SYNPO: variants seen among roughly 807,000 people sequenced by gnomAD.
SYNPO encodes the protein synaptopodin.
In SYNPO, 19 loss-of-function variants were observed where a neutral mutation model predicts 49.5. The ratio of observed to expected loss-of-function variants is 0.38; its 90% confidence interval spans 0.27 to 0.56. SYNPO has a LOEUF of 0.56. Among genes scored for constraint, SYNPO ranks in the 20% least tolerant of loss-of-function variants. The pLI is 0.68. For synonymous variants in SYNPO, 536 were observed against 548.0 expected (o/e 0.98, Z 0.31); for missense variants, 1,131 against 1,248.3 (o/e 0.91, Z 1.42).
rs1410374408 is a variant in SYNPO, at chr5:150,648,526, C to T, written c.251C>T (p.Thr84Ile). The T allele has an allele frequency of 6.2e-7, 1 of 1,614,236 alleles. No individual in the cohort carries two copies. The highest frequency in any genetic ancestry group is 2.2e-5 in the East Asian group (1 of 44,880). ...CCCAGTGCCACGCTCACCACACCAA[C>T]TTCTAACAGCAGCCACAATCCGCCA... ...ASPSATLTTP[T>I]SNSSHNPPAT... The change falls in exon 2 of 3, where the codon ACT (threonine) becomes ATT (isoleucine). Residue 84 changes from threonine (T) to isoleucine (I), a missense_variant. Coordinates refer to ENST00000307662, the MANE Select transcript of SYNPO (RefSeq NM_007286.6). This position sits in a 1 kb window ranked among gnomAD's most constrained non-coding sequence, Gnocchi z 5.0.
chr5:150,656,322 A>G, intron 2 of SYNPO, 82 bp from the exon 3 acceptor site: 1 of 1,193,344 alleles, frequency 8.4e-7, no homozygotes, highest in Non-Finnish European at 1.2e-6. Flanking sequence ...TAATGGACAA[A>G]TCGGACTCCG....
intron 2 of SYNPO, among the ~76,000 whole-genome samples, chr5:150,627,565 C>A (rs953771773): frequency 1.3e-5 from 2 of 152,080 alleles, no homozygotes; most frequent in Admixed American, 6.6e-5. Context: ...AAAAAGGAAG[C>A]AAATAAATCA....
At chr5:150,594,529 T>C in the SYNPO span, among the ~76,000 whole-genome samples, 1 of 152,278 alleles carries the variant, frequency 6.6e-6, no homozygotes, top group African/African-American at 2.4e-5. Context: ...TCTGCTGCCA[T>C]CTCACTGTGT....
At chr5:150,593,130 T>C in the SYNPO span, among the ~76,000 whole-genome samples, 2 of 152,250 alleles carry the variant, frequency 1.3e-5, no homozygotes. Flanking sequence ...CTACCTGTTA[T>C]GGCCTGGTCT....
Position 150,648,767 on chromosome 5 carries a change from T to G in SYNPO, c.492T>G (p.Ala164=). The part of the protein sequence containing the change: ...TLLIDKVSTP[A]TTTSTFSREA... ...TAATTGACAAGGTATCAACTCCAGC[T>G]ACCACCACCAGCACCTTCTCCAGAG... The change falls in exon 2 of 3, where the codon GCT becomes GCG. Residue 164 remains alanine, a synonymous_variant. Transcript: ENST00000307662. The surrounding 1 kb of genome is among the most constrained non-coding windows in gnomAD (Gnocchi z 5.0). The G allele has an allele frequency of 6.2e-7, 1 of 1,614,204 alleles. No individual in the cohort carries two copies. Among genetic ancestry groups the G allele is most frequent in the South Asian group, 1.1e-5 (1 of 91,086 alleles).
intron 2 of SYNPO, among the ~76,000 whole-genome samples, chr5:150,629,111 T>A (rs935700949): frequency 6.6e-6 from 1 of 152,158 alleles, no homozygotes; most frequent in Non-Finnish European, 1.5e-5. Flanking sequence ...CTCGACCTCC[T>A]GGGCTCAAGT....
chr5:150,598,893 G>C (rs1445321367), upstream of SYNPO, among the ~76,000 whole-genome samples: 1 of 152,170 alleles, frequency 6.6e-6, no homozygotes, highest in African/African-American at 2.4e-5. Context: ...GCTTGGGAAG[G>C]AGGGGGAGGT....
upstream of SYNPO, among the ~76,000 whole-genome samples, chr5:150,596,879 G>A (rs148092534): frequency 9.1e-4 from 138 of 152,288 alleles, no homozygotes; most frequent in Non-Finnish European, 1.5e-3. Flanking sequence ...TCACACCCAC[G>A]GGCCCCATCA....
At chr5:150,641,518 CCTT>C (rs1757907113) in intron 1 of SYNPO, among the ~76,000 whole-genome samples, 1 of 152,162 alleles carries the variant, frequency 6.6e-6, no homozygotes, top group Non-Finnish European at 1.5e-5. Context: ...CCTGTCCTGA[CCTT>C]CTGCTCTGGC....
At chr5:150,602,271 G>A (rs1756564141) in intron 1 of SYNPO, among the ~76,000 whole-genome samples, 2 of 152,234 alleles carry the variant, frequency 1.3e-5, no homozygotes. Context: ...TGCTACGGAT[G>A]TTGGACACGT....
chr5:150,588,536 G>A, the SYNPO span, among the ~76,000 whole-genome samples: 3 of 152,140 alleles, frequency 2.0e-5, no homozygotes, highest in African/African-American at 7.2e-5. Flanking sequence ...AAGAAAGTAG[G>A]TCTTGAGCAT....
At chr5:150,655,365 G>A (rs1758517264) in intron 2 of SYNPO, among the ~76,000 whole-genome samples, 1 of 152,204 alleles carries the variant, frequency 6.6e-6, no homozygotes, top group South Asian at 2.1e-4. Flanking sequence ...ACTGTGGTCA[G>A]ATGAGAGGAC....
At chr5:150,635,043 A>C (rs756930076) in intron 2 of SYNPO, among the ~76,000 whole-genome samples, 5 of 152,244 alleles carry the variant, frequency 3.3e-5, no homozygotes, top group Non-Finnish European at 5.9e-5. Context: ...CTCCAGGAGC[A>C]TGTGCCCTCA....
chr5:150,650,150 C>G lies in SYNPO; in HGVS notation c.1875C>G (p.Thr625=). Residue 625 remains threonine, a synonymous_variant, in exon 2 of 3, where the codon ACC becomes ACG. Transcript: ENST00000307662. ...CGCGCTCCTCACCGGGCCTCTACAC[C>G]TCCCCCGGCCAGGACAGCCTGCAGC... is the stretch of plus-strand genomic sequence containing the variant. ...RPSRSSPGLY[T]SPGQDSLQPT... 1 of 1,613,844 alleles carries G rather than the reference C, an allele frequency of 6.2e-7. No individual in the cohort carries two copies. The highest frequency in any genetic ancestry group is 8.5e-7 in the Non-Finnish European group (1 of 1,179,976).
At chr5:150,629,856 G>A (rs1318909847) in intron 2 of SYNPO, among the ~76,000 whole-genome samples, 2 of 152,094 alleles carry the variant, frequency 1.3e-5, no homozygotes, top group African/African-American at 4.8e-5. Context: ...TTCCAAGGTC[G>A]CACACCTGGT....
intron 1 of SYNPO, among the ~76,000 whole-genome samples, chr5:150,608,748 C>T (rs1383438292): frequency 6.6e-6 from 1 of 152,116 alleles, no homozygotes; most frequent in African/African-American, 2.4e-5. Flanking sequence ...AGGTCCTACC[C>T]CCAGAAGCTG....
chr5:150,654,425 C>G (rs1427521195), intron 2 of SYNPO, among the ~76,000 whole-genome samples: 1 of 152,018 alleles, frequency 6.6e-6, no homozygotes, highest in East Asian at 1.9e-4. Context: ...ATTTACACCT[C>G]TGAGCTTCAT....
At chr5:150,639,319 C>T (rs1376093831), upstream of SYNPO, among the ~76,000 whole-genome samples, 1 of 152,260 alleles carries the variant, frequency 6.6e-6, no homozygotes, top group Non-Finnish European at 1.5e-5. Context: ...GCCCAGCCTC[C>T]TTCCCCTGGG....
At chr5:150,619,520 C>T (rs552973182) in intron 2 of SYNPO, among the ~76,000 whole-genome samples, 1 of 152,158 alleles carries the variant, frequency 6.6e-6, no homozygotes, top group Non-Finnish European at 1.5e-5. Flanking sequence ...TTTCCTGCAG[C>T]GGCTGCTGTC....
Sources: gnomAD v4.1 joint callset for allele counts (sites outside exome capture counted in the v4.1 genomes callset) on GRCh38, gnomAD v4.1.1 for gene constraint, Gnocchi (gnomAD v3.1) non-coding constraint, MANE v1.5 for transcripts, NCBI Gene and HGNC (gene_info 2026-07-23, HGNC 2026-07-21) for gene names.